Variants in CCDC198 observed in about 807,000 individuals in gnomAD.
CCDC198 encodes the protein factor associated with metabolism and energy.
Under a neutral mutation model 35.6 loss-of-function variants are expected in CCDC198, and 18 were observed. The observed-to-expected ratio is 0.51, with a 90% CI of 0.35 to 0.75. CCDC198 has a LOEUF of 0.75. Ranked by LOEUF, CCDC198 falls within the 30% of genes least tolerant of loss-of-function variation. The pLI, the probability that CCDC198 is intolerant of heterozygous loss-of-function variation, is 0.01. For synonymous variants in CCDC198, 119 were observed against 113.4 expected (o/e 1.05, Z -0.31); for missense variants, 365 against 343.7 (o/e 1.06, Z -0.49).
chr14:57,481,646 C>G lies in CCDC198; in HGVS notation c.408G>C (p.Lys136Asn). ...TMHKAKQVLE[K>N]KMQTPMYTSE... ...AAGTATACATTGGAGTTTGCATTTTCTTTTCTAGTACCTGCTATGAAAGAC... is the reference window on the plus strand; with the variant it reads ...AAGTATACATTGGAGTTTGCATTTTGTTTTCTAGTACCTGCTATGAAAGAC... Residue 136 changes from lysine to asparagine, a missense_variant, in exon 4 of 6, where the codon AAG (lysine) becomes AAC (asparagine). Coordinates refer to ENST00000216445, the MANE Select transcript of CCDC198 (RefSeq NM_018168.4). The G allele has an allele frequency of 1.9e-6, 3 of 1,607,018 alleles. No homozygotes were observed. The highest frequency in any genetic ancestry group is 3.6e-4 in the Middle Eastern group (2 of 5,492).
chr14:57,491,880 G>A (rs1404169098), intron 1 of CCDC198, among the ~76,000 whole-genome samples: 2 of 151,988 alleles, frequency 1.3e-5, no homozygotes, highest in Non-Finnish European at 2.9e-5. Context: ...AAATCCCTGG[G>A]TAATTATGCA....
intron 5 of CCDC198, among the ~76,000 whole-genome samples, chr14:57,473,394 C>T (rs906181851): frequency 3.3e-5 from 5 of 152,186 alleles, no homozygotes; most frequent in African/African-American, 9.7e-5. Flanking sequence ...AAACCTGCTT[C>T]TGCTCCTGGC....
At chr14:57,481,259 C>T (rs1293412066) in intron 4 of CCDC198, among the ~76,000 whole-genome samples, 1 of 152,084 alleles carries the variant, frequency 6.6e-6, no homozygotes, top group Non-Finnish European at 1.5e-5. Flanking sequence ...TTTCACTAAA[C>T]CAAGAAAAAT....
At chr14:57,481,399 T>A (rs1173630727) in intron 4 of CCDC198, among the ~76,000 whole-genome samples, 160 bp downstream of exon 4, 1 of 152,224 alleles carries the variant, frequency 6.6e-6, no homozygotes, top group Non-Finnish European at 1.5e-5. Context: ...AGAAGGAATC[T>A]TCCTGATTCT....
At chr14:57,481,071 C>T (rs952418391) in intron 4 of CCDC198, among the ~76,000 whole-genome samples, 7 of 152,126 alleles carry the variant, frequency 4.6e-5, no homozygotes, top group Admixed American at 3.9e-4. Context: ...GGCTCATTTC[C>T]TAGAGGGAGG....
At chr14:57,474,033 T>C (rs2066897267) in intron 5 of CCDC198, among the ~76,000 whole-genome samples, 1 of 152,204 alleles carries the variant, frequency 6.6e-6, no homozygotes, top group South Asian at 2.1e-4. Flanking sequence ...TCAGTTTAAA[T>C]GTCCCTTCCT....
In CCDC198 at chr14:57,471,386, G is replaced by A. The variant is rs1423417431; in HGVS notation, c.860C>T (p.Pro287Leu). Residue 287 changes from proline (P) to leucine (L), a missense_variant, in exon 6 of 6, where the codon CCA becomes CTA. Coordinates refer to ENST00000216445, the MANE Select transcript of CCDC198 (RefSeq NM_018168.4). ...ALVRTRTERIPLFDEFFDQE is the reference protein window; with the variant it reads ...ALVRTRTERILLFDEFFDQE ...TTGATCAAAAAACTCATCGAAAAGT[G>A]GGATTCTCTCTGTCCTGGTCCTCAC... is the stretch of plus-strand genomic sequence containing the variant. The A allele has an allele frequency of 1.2e-6, 2 of 1,613,198 alleles. No homozygotes were observed. The highest frequency in any genetic ancestry group is 1.7e-6 in the Non-Finnish European group (2 of 1,179,666).
At position 57,471,504 on chromosome 14, in the gene CCDC198, G is replaced by A. The variant is rs146602887; in HGVS notation, c.742C>T (p.His248Tyr). Residue 248 changes from histidine (H) to tyrosine (Y), a missense_variant, in exon 6 of 6, where the codon CAT becomes TAT. By Grantham distance (83) the His-to-Tyr change is moderately conservative. Coordinates refer to ENST00000216445, the MANE Select transcript of CCDC198 (RefSeq NM_018168.4). Reference sequence around the variant, plus strand: ...AGCTGTCCCTGGGCCTCTTGTTCATGAAGCCATGTTTCCATTTTGCCAATT... The same window carrying A: ...AGCTGTCCCTGGGCCTCTTGTTCATAAAGCCATGTTTCCATTTTGCCAATT... ...WKIGKMETWL[H>Y]EQEAQGQLLW... 57 of 1,613,724 alleles carry A rather than the reference G, an allele frequency of 3.5e-5. No homozygotes were observed. The highest frequency in any genetic ancestry group is 4.7e-5 in the Non-Finnish European group (55 of 1,179,924).
chr14:57,488,242 G>A (rs1409533691), intron 2 of CCDC198, among the ~76,000 whole-genome samples: 1 of 152,150 alleles, frequency 6.6e-6, no homozygotes, highest in Non-Finnish European at 1.5e-5. Flanking sequence ...AGAGAGCTCT[G>A]CATTTCAGGT....
chr14:57,492,098 G>C (rs1429590959), intron 1 of CCDC198, among the ~76,000 whole-genome samples: 1 of 151,718 alleles, frequency 6.6e-6, no homozygotes, highest in Non-Finnish European at 1.5e-5. Flanking sequence ...TTTTATTTTA[G>C]TGACATTACT....
chr14:57,479,038 A>G (rs1379485173), intron 5 of CCDC198: 2 of 1,288,052 alleles, frequency 1.6e-6, no homozygotes, highest in Non-Finnish European at 1.0e-6. Context: ...GGGGAAATAC[A>G]AACAAGGAAA....
intron 2 of CCDC198, among the ~76,000 whole-genome samples, chr14:57,487,787 T>C (rs891973478): frequency 1.3e-5 from 2 of 152,226 alleles, no homozygotes; most frequent in South Asian, 4.1e-4. Flanking sequence ...AATTAGGCTA[T>C]TAATTAGCAT....
intron 5 of CCDC198, among the ~76,000 whole-genome samples, chr14:57,475,028 G>A (rs989925909): frequency 1.3e-5 from 2 of 152,130 alleles, no homozygotes; most frequent in African/African-American, 4.8e-5. Flanking sequence ...TTGGGAGGCC[G>A]AGGCGGGCGG....
rs536691278 is a variant in CCDC198 at position 57,480,243 on chromosome 14, T to C, written c.655+352A>G. ...CAACTCTGCTGAAGCAAATTTGCCA[T>C]GTGACTGCCGGCAATATATCTTCAT... On this transcript the variant is annotated intron_variant, in intron 5 of 5. Coordinates refer to ENST00000216445, the MANE Select transcript of CCDC198 (RefSeq NM_018168.4). 2.2e-5 allele frequency: 22 copies of C among 985,262 alleles called. No homozygotes were observed. The Admixed American group carries it at 4.3e-4, about 19-fold the overall frequency. The allele number at this position is 985,262 out of a possible 1,614,324, so 61.0% of individuals were successfully genotyped here. A position where few individuals can be genotyped will look rare whatever the true frequency, so the allele number is the denominator to read the frequency against.
intron 5 of CCDC198, chr14:57,478,805 T>G (rs2067087836): frequency 1.9e-5 from 21 of 1,111,630 alleles, no homozygotes; most frequent in Non-Finnish European, 2.3e-5. Flanking sequence ...CTTTTCTTAT[T>G]TAATTAACTT....
Position 57,493,585 on chromosome 14 carries a change from G to A in CCDC198, c.131C>T (p.Ser44Leu), listed in dbSNP as rs1447353445. ...GTCCTGCAGTCTTGCCAGTGAATAT[G>A]AAGTCTTTTCTTCCAAATTCTGATT... ...AFNQNLEEKT[S>L]YSLARLQDQN... Residue 44 changes from serine to leucine, a missense_variant, in exon 1 of 6, where the codon TCA becomes TTA. Transcript: ENST00000216445. 1.9e-6 allele frequency: 3 copies of A among 1,613,876 alleles called. No homozygotes were observed. Among genetic ancestry groups the A allele is most frequent in the East Asian group, 4.5e-5 (2 of 44,880 alleles).
At chr14:57,492,152 A>C (rs1329886800) in intron 1 of CCDC198, among the ~76,000 whole-genome samples, 1 of 152,004 alleles carries the variant, frequency 6.6e-6, no homozygotes, top group Non-Finnish European at 1.5e-5. Flanking sequence ...AGGCTGTGTC[A>C]GGCATTTATT....
chr14:57,487,660 A>G (rs2067410189), intron 2 of CCDC198, among the ~76,000 whole-genome samples: 1 of 152,154 alleles, frequency 6.6e-6, no homozygotes, highest in Non-Finnish European at 1.5e-5. Context: ...CTTGCTCTTT[A>G]TTTGAGGAGT....
chr14:57,487,507 T>C (rs1209424830), intron 2 of CCDC198, among the ~76,000 whole-genome samples: 2 of 152,120 alleles, frequency 1.3e-5, no homozygotes, highest in Admixed American at 6.5e-5. Flanking sequence ...AAGCTAGACC[T>C]GAAATGGTTG....
Sources: allele counts gnomAD v4.1 joint callset (sites outside exome capture counted in the v4.1 genomes callset), GRCh38; gene constraint gnomAD v4.1.1; transcripts MANE v1.5; gene names NCBI Gene and HGNC (gene_info 2026-07-23, HGNC 2026-07-21).